The following ERBB4 variants were observed in gnomAD, a reference collection of about 807,000 sequenced individuals.
ERBB4 encodes the protein receptor tyrosine-protein kinase erbB-4.
ERBB4 carries 42 observed loss-of-function variants against 158.0 expected under a neutral mutation model. That is an observed-to-expected ratio of 0.27 (90% CI 0.21 to 0.34). ERBB4 has a LOEUF of 0.34. Among genes scored for constraint, ERBB4 ranks in the 10% least tolerant of loss-of-function variants. The pLI, the probability that ERBB4 is intolerant of heterozygous loss-of-function variation, is 1.00. For synonymous variants in ERBB4, 583 were observed against 558.7 expected (o/e 1.04, Z -0.61); for missense variants, 1,333 against 1,624.1 (o/e 0.82, Z 3.08).
At chr2:212,092,221 A>T (rs1463302418) in intron 2 of ERBB4, among the ~76,000 whole-genome samples, 1 of 152,196 alleles carries the variant, frequency 6.6e-6, no homozygotes, top group Admixed American at 6.5e-5. Context: ...CCATTAGGGA[A>T]TTATACATAG....
chr2:212,316,362 T>A (rs1360033581), intron 1 of ERBB4, among the ~76,000 whole-genome samples: 3 of 151,416 alleles, frequency 2.0e-5, no homozygotes, highest in Non-Finnish European at 3.0e-5. Flanking sequence ...CACTTGACAA[T>A]TGAGCATTAA....
intron 3 of ERBB4, among the ~76,000 whole-genome samples, chr2:211,900,279 G>C (rs2079199811): frequency 6.6e-6 from 1 of 152,032 alleles, no homozygotes; most frequent in Non-Finnish European, 1.5e-5. Context: ...TATCAACACA[G>C]AGAAAGCAGT....
chr2:212,260,555 G>A (rs753298198), intron 1 of ERBB4, among the ~76,000 whole-genome samples: 4 of 152,184 alleles, frequency 2.6e-5, no homozygotes, highest in African/African-American at 4.8e-5. Context: ...GCTCACGCCT[G>A]TAATCCCAGC....
chr2:211,505,128 A>G (rs1411568379), intron 20 of ERBB4, among the ~76,000 whole-genome samples: 1 of 152,100 alleles, frequency 6.6e-6, no homozygotes, highest in Non-Finnish European at 1.5e-5. Context: ...TATAAGATGA[A>G]CATTACCAAG....
At chr2:211,391,467 C>T (rs6749560) in intron 25 of ERBB4, among the ~76,000 whole-genome samples, 36,457 of 152,084 alleles carry the variant, frequency 0.24, 4,685 homozygotes, top group South Asian at 0.48. Flanking sequence ...AGGCGATTTA[C>T]TGTCAGCAGG....
intron 1 of ERBB4, among the ~76,000 whole-genome samples, chr2:212,441,137 G>A (rs1022997051): frequency 3.9e-5 from 6 of 152,212 alleles, no homozygotes; most frequent in African/African-American, 9.6e-5. Context: ...CTCGGAATGG[G>A]CACATGTGGG....
At chr2:212,458,469 AG>A (rs1224266790) in intron 1 of ERBB4, among the ~76,000 whole-genome samples, 3 of 152,144 alleles carry the variant, frequency 2.0e-5, no homozygotes, top group Admixed American at 2.0e-4. Flanking sequence ...TTTTGCAATA[AG>A]GAATGAATCA....
intron 20 of ERBB4, among the ~76,000 whole-genome samples, chr2:211,444,387 A>G (rs1277840362): frequency 6.6e-6 from 1 of 152,094 alleles, no homozygotes; most frequent in Non-Finnish European, 1.5e-5. Flanking sequence ...CATGAGGTTT[A>G]AAGGTAAAAC....
intron 1 of ERBB4, among the ~76,000 whole-genome samples, chr2:212,284,360 G>A (rs1003898910): frequency 2.0e-5 from 3 of 151,976 alleles, no homozygotes; most frequent in Non-Finnish European, 2.9e-5. Context: ...CTGCTGCCCT[G>A]TTTCCACAAA....
At chr2:211,388,595 A>G (rs2062737293) in intron 25 of ERBB4, among the ~76,000 whole-genome samples, 1 of 151,860 alleles carries the variant, frequency 6.6e-6, no homozygotes, top group Non-Finnish European at 1.5e-5. Flanking sequence ...AAGTTAAGAA[A>G]GAGCAGAAAA....
chr2:211,651,838 G>A (rs989765898), intron 16 of ERBB4, among the ~76,000 whole-genome samples: 6 of 152,140 alleles, frequency 3.9e-5, no homozygotes. Context: ...TGGACTCCAA[G>A]CTCTAGATGA....
chr2:211,957,311 A>T (rs887509472), intron 2 of ERBB4, among the ~76,000 whole-genome samples: 3 of 152,132 alleles, frequency 2.0e-5, no homozygotes, highest in Non-Finnish European at 2.9e-5. Context: ...TGACAAGAAA[A>T]AAGACCATGA....
At chr2:211,781,987 C>G (rs1025718434) in intron 4 of ERBB4, among the ~76,000 whole-genome samples, 2 of 152,116 alleles carry the variant, frequency 1.3e-5, no homozygotes, top group African/African-American at 4.8e-5. Context: ...ATATATGTCT[C>G]CCATCCTGGC....
At chr2:212,319,761 C>T (rs1483841159) in intron 1 of ERBB4, among the ~76,000 whole-genome samples, 2 of 150,288 alleles carry the variant, frequency 1.3e-5, no homozygotes, top group Non-Finnish European at 3.0e-5. Context: ...GGCTGATTTC[C>T]AAGTTAGTAA....
chr2:211,578,332 T>C (rs570135215), intron 19 of ERBB4, among the ~76,000 whole-genome samples: 90 of 152,332 alleles, frequency 5.9e-4, no homozygotes, highest in African/African-American at 2.0e-3. Flanking sequence ...ACATATTCCA[T>C]GTTCCTGAAT....
intron 5 of ERBB4, among the ~76,000 whole-genome samples, chr2:211,730,421 T>C (rs1299199627): frequency 6.6e-6 from 1 of 151,834 alleles, no homozygotes; most frequent in Non-Finnish European, 1.5e-5. Flanking sequence ...TTTGTGTCTT[T>C]TTACACTCTG....
intron 3 of ERBB4, among the ~76,000 whole-genome samples, chr2:211,891,245 A>C (rs2078959810): frequency 8.5e-6 from 1 of 118,180 alleles, no homozygotes; most frequent in Admixed American, 8.4e-5. Context: ...ACTCAGGATT[A>C]AGAATCTCAC....
intron 16 of ERBB4, among the ~76,000 whole-genome samples, chr2:211,646,918 T>A (rs2070798568): frequency 6.6e-6 from 1 of 151,638 alleles, no homozygotes. Context: ...GTCAGAATAT[T>A]TTAAATGCAA....
chr2:211,989,955 A>G (rs1197083000), intron 2 of ERBB4, among the ~76,000 whole-genome samples: 1 of 151,988 alleles, frequency 6.6e-6, no homozygotes, highest in Non-Finnish European at 1.5e-5. Flanking sequence ...ATTCACTACC[A>G]AATTTATAAT....
Sources: allele counts gnomAD v4.1 joint callset (sites outside exome capture counted in the v4.1 genomes callset), GRCh38; gene constraint gnomAD v4.1.1; transcripts MANE v1.5; gene names NCBI Gene and HGNC (gene_info 2026-07-23, HGNC 2026-07-21).